The following SLC9A4 variants were observed in gnomAD, a reference collection of about 807,000 sequenced individuals.
SLC9A4 encodes the protein solute carrier family 9 member A4, also known as sodium/hydrogen exchanger 4.
A neutral mutation model predicts 67.4 loss-of-function variants in SLC9A4; 63 were observed. That is an observed-to-expected ratio of 0.93 (90% CI 0.76 to 1.15). The LOEUF (loss-of-function observed/expected upper bound fraction) is 1.15, where lower values mean the gene tolerates loss of function less well. SLC9A4 is among the 50% of genes most tolerant of loss of function. The pLI, the probability that SLC9A4 is intolerant of heterozygous loss-of-function variation, is 0.00. For missense variants in SLC9A4, 1,089 were observed against 987.7 expected (o/e 1.10, Z -1.38); for synonymous variants, 393 against 367.2 (o/e 1.07, Z -0.80).
chr2:102,500,124 TG>T (rs1208269521), intron 2 of SLC9A4, among the ~76,000 whole-genome samples: 1 of 152,140 alleles, frequency 6.6e-6, no homozygotes, highest in Non-Finnish European at 1.5e-5. Flanking sequence ...TGGACTATGG[TG>T]GGCCCTAATC....
intron 2 of SLC9A4, among the ~76,000 whole-genome samples, chr2:102,481,122 TG>T (rs1684453149): frequency 6.6e-6 from 1 of 152,042 alleles, no homozygotes; most frequent in African/African-American, 2.4e-5. Context: ...GGGATCGGCG[TG>T]GGGAGGGAAA....
chr2:102,523,136 T>A (rs1674570557), intron 9 of SLC9A4, among the ~76,000 whole-genome samples: 1 of 41,524 alleles, frequency 2.4e-5, no homozygotes, highest in Admixed American at 3.7e-4. Flanking sequence ...ACCCAGCATT[T>A]TTTTTTTTTT....
chr2:102,480,735 C>T (rs1267325540), intron 2 of SLC9A4, among the ~76,000 whole-genome samples: 1 of 152,196 alleles, frequency 6.6e-6, no homozygotes, highest in Non-Finnish European at 1.5e-5. Context: ...CAGCTCCTAT[C>T]TGCCTCCTTG....
intron 3 of SLC9A4, among the ~76,000 whole-genome samples, chr2:102,504,147 G>T (rs987009716): frequency 3.9e-5 from 6 of 152,062 alleles, no homozygotes; most frequent in African/African-American, 1.4e-4. Context: ...CCGCCTCCCG[G>T]GTTCACTCCA....
At chr2:102,478,028 A>C (rs1485780074) in intron 1 of SLC9A4, among the ~76,000 whole-genome samples, 2 of 152,222 alleles carry the variant, frequency 1.3e-5, no homozygotes, top group Non-Finnish European at 2.9e-5. Flanking sequence ...TCGTCTTTGC[A>C]CAACTAATAC....
chr2:102,492,393 T>G (rs7567885), intron 2 of SLC9A4, among the ~76,000 whole-genome samples: 107,884 of 152,248 alleles, frequency 0.71, 38,953 homozygotes, highest in Middle Eastern at 0.78. Flanking sequence ...TTACCATACA[T>G]TCTATGAAAT....
chr2:102,497,867 A>C (rs1010334962), intron 2 of SLC9A4, among the ~76,000 whole-genome samples: 4 of 152,014 alleles, frequency 2.6e-5, no homozygotes, highest in Admixed American at 2.0e-4. Flanking sequence ...TTTGGAATTG[A>C]CTCTTCATCT....
At chr2:102,522,812 T>C (rs1674552910) in intron 9 of SLC9A4, among the ~76,000 whole-genome samples, 1 of 152,224 alleles carries the variant, frequency 6.6e-6, no homozygotes, top group African/African-American at 2.4e-5. Context: ...AGAATTCATA[T>C]TTCAAAATGT....
chr2:102,512,087 C>A, intron 6 of SLC9A4, 116 bp from the exon 7 acceptor site: 2 of 1,014,132 alleles, frequency 2.0e-6, no homozygotes, highest in Non-Finnish European at 3.0e-6. Context: ...GATAGAAAGT[C>A]AGATAGGCTC....
In SLC9A4 at chr2:102,505,537, G is replaced by A. The variant is rs533085017; in HGVS notation, c.1198+66G>A. ...ATTTTCAGTTCTCTTATTCCCTTCC[G>A]CAATGTTAAAACTGGAGGACTGAGT... On this transcript the variant is annotated intron_variant, in intron 4 of 11. Transcript: ENST00000295269. 114 of 1,505,444 alleles carry A rather than the reference G, an allele frequency of 7.6e-5. 2 individuals carry two copies. The South Asian group carries it at 9.5e-4, about 13-fold the overall frequency. The allele number at this position is 1,505,444 out of a possible 1,614,324, so 93.3% of individuals were successfully genotyped here.
chr2:102,514,062 T>C, intron 7 of SLC9A4, 28 bp from the exon 8 acceptor site: 1 of 1,606,752 alleles, frequency 6.2e-7, no homozygotes, highest in Non-Finnish European at 8.5e-7. Context: ...ACGTTCAAGA[T>C]TTCCAAAATG....
chr2:102,522,488 G>A (rs948344301), intron 9 of SLC9A4, among the ~76,000 whole-genome samples: 4 of 152,148 alleles, frequency 2.6e-5, no homozygotes, highest in African/African-American at 7.2e-5. Context: ...AGAGAAGCAC[G>A]TGGGTCATGG....
intron 4 of SLC9A4, 73 bp downstream of exon 4, chr2:102,505,544 TA>T: frequency 6.8e-7 from 1 of 1,460,062 alleles, no homozygotes; most frequent in South Asian, 1.2e-5. Context: ...TCCGCAATGT[TA>T]AAACTGGAGG....
chr2:102,480,682 C>T (rs1276404411), intron 2 of SLC9A4, among the ~76,000 whole-genome samples: 1 of 152,154 alleles, frequency 6.6e-6, no homozygotes, highest in Non-Finnish European at 1.5e-5. Flanking sequence ...CCAGTTTAAA[C>T]AGTATGTACA....
intron 2 of SLC9A4, among the ~76,000 whole-genome samples, chr2:102,482,432 C>G (rs1684485833): frequency 6.6e-6 from 1 of 152,208 alleles, no homozygotes; most frequent in Non-Finnish European, 1.5e-5. Flanking sequence ...AGGACCTTAT[C>G]CATCTCCCCA....
At chr2:102,499,051 G>A (rs1684868288) in intron 2 of SLC9A4, among the ~76,000 whole-genome samples, 1 of 152,192 alleles carries the variant, frequency 6.6e-6, no homozygotes, top group Admixed American at 6.5e-5. Context: ...AGCTGGATGG[G>A]ACTGTCTTTG....
At chr2:102,496,448 C>T (rs1684812401) in intron 2 of SLC9A4, among the ~76,000 whole-genome samples, 1 of 152,178 alleles carries the variant, frequency 6.6e-6, no homozygotes, top group Non-Finnish European at 1.5e-5. Flanking sequence ...TTGTCCAAAT[C>T]TACACTGAAA....
At chr2:102,524,688 T>A (rs1033539243) in intron 9 of SLC9A4, among the ~76,000 whole-genome samples, 7 of 152,052 alleles carry the variant, frequency 4.6e-5, no homozygotes, top group African/African-American at 1.7e-4. Flanking sequence ...TCTTATTAAA[T>A]TCACTGGCCT....
At chr2:102,486,613 G>T (rs1242639920) in intron 2 of SLC9A4, among the ~76,000 whole-genome samples, 1 of 152,172 alleles carries the variant, frequency 6.6e-6, no homozygotes, top group Non-Finnish European at 1.5e-5. Context: ...GTTTCCTCTG[G>T]CCAAGAATAC....
Sources: allele counts gnomAD v4.1 joint callset (sites outside exome capture counted in the v4.1 genomes callset), GRCh38; gene constraint gnomAD v4.1.1; transcripts MANE v1.5; gene names NCBI Gene and HGNC (gene_info 2026-07-23, HGNC 2026-07-21).